SENP7: variants seen among roughly 807,000 people sequenced by gnomAD.
SENP7 encodes SUMO specific peptidase 7.
Under a neutral mutation model 141.2 loss-of-function variants are expected in SENP7, and 64 were observed. The observed-to-expected ratio is 0.45, with a 90% CI of 0.37 to 0.56. The LOEUF is 0.56. SENP7 is among the 20% of genes least tolerant of loss of function. The probability of loss-of-function intolerance (pLI) is 0.00; values close to 1 mark genes in which losing one functional copy is unlikely to be tolerated. For missense variants in SENP7, 1,025 were observed against 1,212.2 expected (o/e 0.85, Z 2.29); for synonymous variants, 382 against 426.4 (o/e 0.90, Z 1.28).
chr3:101,360,977 G>A (rs2059881169), intron 11 of SENP7, among the ~76,000 whole-genome samples: 1 of 152,126 alleles, frequency 6.6e-6, no homozygotes, highest in East Asian at 1.9e-4. Context: ...GCTGAGGCAG[G>A]TGGATCACTT....
chr3:101,357,988 A>C (rs2059789200), intron 11 of SENP7: 1 of 627,546 alleles, frequency 1.6e-6, no homozygotes, highest in Admixed American at 2.6e-5. Context: ...CACATAAGAA[A>C]ATTCTTATTG....
intron 4 of SENP7, among the ~76,000 whole-genome samples, chr3:101,445,749 T>G (rs1343532131): frequency 6.6e-6 from 1 of 152,172 alleles, no homozygotes; most frequent in Non-Finnish European, 1.5e-5. Flanking sequence ...TACACACTTA[T>G]GTCAGACAAA....
At chr3:101,509,227 T>G (rs968219840) in intron 1 of SENP7, among the ~76,000 whole-genome samples, 4 of 152,248 alleles carry the variant, frequency 2.6e-5, no homozygotes, top group Non-Finnish European at 4.4e-5. Flanking sequence ...AATTTCCTAC[T>G]CAAGCTTGTT....
chr3:101,416,898 T>C (rs2061640399), intron 5 of SENP7, among the ~76,000 whole-genome samples: 1 of 152,182 alleles, frequency 6.6e-6, no homozygotes. Flanking sequence ...GAAAATAAAG[T>C]ACCTTCCCTC....
At position 101,459,078 on chromosome 3, in the gene SENP7, A is replaced by C. The variant is rs2063461663; in HGVS notation, c.187-26T>G. The C allele has an allele frequency of 3.1e-6, 4 of 1,295,238 alleles. No individual in the cohort carries two copies. In the South Asian group the frequency reaches 5.2e-5, roughly 17 times the overall value. The allele number at this position is 1,295,238 out of a possible 1,614,324, so 80.2% of individuals were successfully genotyped here. A position where few individuals can be genotyped will look rare whatever the true frequency, so the allele number is the denominator to read the frequency against. On this transcript the variant is annotated intron_variant, in intron 3 of 23. Transcript: ENST00000394095. ...CTAGGAAAAAAAAAATGAAATTTTAATAATAAACATATCAATATGACAAGA... is the reference window on the plus strand; with the variant it reads ...CTAGGAAAAAAAAAATGAAATTTTACTAATAAACATATCAATATGACAAGA...
At chr3:101,389,495 T>C (rs975854704) in intron 6 of SENP7, among the ~76,000 whole-genome samples, 2 of 151,492 alleles carry the variant, frequency 1.3e-5, no homozygotes, top group South Asian at 4.2e-4. Context: ...AATGAGATGA[T>C]ATATTCAAAG....
chr3:101,457,528 G>C, intron 4 of SENP7: 2 of 1,608,762 alleles, frequency 1.2e-6, no homozygotes, highest in African/African-American at 1.3e-5. Flanking sequence ...ACTGTTCCTT[G>C]GTTTGTAAAC....
chr3:101,443,084 T>C (rs1003998824), intron 4 of SENP7, among the ~76,000 whole-genome samples: 2 of 152,190 alleles, frequency 1.3e-5, no homozygotes, highest in African/African-American at 4.8e-5. Flanking sequence ...TGGTTTTAGG[T>C]CAAACGTTTA....
intron 4 of SENP7, among the ~76,000 whole-genome samples, chr3:101,448,863 A>G (rs1034582544): frequency 6.6e-6 from 1 of 152,226 alleles, no homozygotes; most frequent in Non-Finnish European, 1.5e-5. Context: ...GCAACGGAAC[A>G]AAGCTGGACA....
chr3:101,422,725 T>C (rs895198469), intron 4 of SENP7, among the ~76,000 whole-genome samples: 1 of 152,090 alleles, frequency 6.6e-6, no homozygotes, highest in Admixed American at 6.5e-5. Flanking sequence ...CTTTAAAAAA[T>C]CGCATTCCTA....
chr3:101,377,041 A>T (rs1033707180), intron 6 of SENP7, among the ~76,000 whole-genome samples: 2 of 152,180 alleles, frequency 1.3e-5, no homozygotes, highest in African/African-American at 2.4e-5. Flanking sequence ...TTGAGAATGG[A>T]AGTAAAGAAA....
rs374083867 is a variant in SENP7 at position 101,513,175 on chromosome 3, G to A, written c.-45C>T. On this transcript the variant is annotated 5_prime_UTR_variant, in exon 1 of 24. Coordinates refer to ENST00000394095, the MANE Select transcript of SENP7 (RefSeq NM_020654.5). ...TTCAGTTGCAGGCGCTGTCACCTCA[G>A]GACCCCTCCGGCTTGGAGAGGGAGG... The A allele has an allele frequency of 8.0e-7, 1 of 1,249,896 alleles. No individual in the cohort carries two copies. The allele number at this position is 1,249,896 out of a possible 1,614,324, so 77.4% of individuals were successfully genotyped here. A position where few individuals can be genotyped will look rare whatever the true frequency, so the allele number is the denominator to read the frequency against.
At chr3:101,337,408 C>T in intron 17 of SENP7, 101 bp downstream of exon 17, 1 of 761,876 alleles carries the variant, frequency 1.3e-6, no homozygotes, top group South Asian at 2.3e-5. Flanking sequence ...AATGGTAGTA[C>T]TGCCTACTTG....
intron 3 of SENP7, among the ~76,000 whole-genome samples, chr3:101,472,308 A>G (rs1327968565): frequency 6.8e-6 from 1 of 147,010 alleles, no homozygotes; most frequent in East Asian, 1.9e-4. Flanking sequence ...TACACCATGG[A>G]ATACTATGCA....
At chr3:101,449,028 T>G (rs555559397) in intron 4 of SENP7, among the ~76,000 whole-genome samples, 75 of 152,152 alleles carry the variant, frequency 4.9e-4, no homozygotes, top group South Asian at 2.1e-4. Context: ...GAGAAGTCCT[T>G]AAAAGACGTG....
intron 3 of SENP7, among the ~76,000 whole-genome samples, chr3:101,489,388 C>T (rs762703241): frequency 6.6e-6 from 1 of 152,190 alleles, no homozygotes; most frequent in East Asian, 1.9e-4. Context: ...AAGACAAGAC[C>T]CAACCATCTG....
intron 1 of SENP7, among the ~76,000 whole-genome samples, chr3:101,512,115 C>T (rs2065885621): frequency 6.6e-6 from 1 of 152,202 alleles, no homozygotes; most frequent in Admixed American, 6.5e-5. Flanking sequence ...CCACCGCGCC[C>T]GGCCAATAAA....
At chr3:101,511,199 C>A (rs1361271682) in intron 1 of SENP7, among the ~76,000 whole-genome samples, 1 of 152,124 alleles carries the variant, frequency 6.6e-6, no homozygotes, top group African/African-American at 2.4e-5. Flanking sequence ...ATATCAATGT[C>A]TTTTAAGGAT....
chr3:101,511,355 T>C (rs1281943147), intron 1 of SENP7, among the ~76,000 whole-genome samples: 6 of 152,166 alleles, frequency 3.9e-5, no homozygotes, highest in Admixed American at 2.6e-4. Flanking sequence ...TCCTCAAAAA[T>C]GTATTAAACC....
Sources: allele counts gnomAD v4.1 joint callset (sites outside exome capture counted in the v4.1 genomes callset), GRCh38; gene constraint gnomAD v4.1.1; transcripts MANE v1.5; gene names NCBI Gene and HGNC (gene_info 2026-07-23, HGNC 2026-07-21).